Variants in NRROS observed in about 807,000 individuals in gnomAD.
The protein encoded by NRROS is negative regulator of reactive oxygen species.
In NRROS, 6 loss-of-function variants were observed where a neutral mutation model predicts 12.0. The ratio of observed to expected loss-of-function variants is 0.50; its 90% CI spans 0.27 to 0.98. The LOEUF is 0.98. Ranked by LOEUF, NRROS falls within the 50% of genes least tolerant of loss-of-function variation. The probability of loss-of-function intolerance (pLI) is 0.11; values close to 1 mark genes in which losing one functional copy is unlikely to be tolerated. For synonymous variants in NRROS, 462 were observed against 410.2 expected (o/e 1.13, Z -1.53); for missense variants, 857 against 888.2 (o/e 0.96, Z 0.45).
intron 2 of NRROS, among the ~76,000 whole-genome samples, 159 bp from the exon 3 acceptor site, chr3:196,659,593 A>G (rs1293013879): frequency 6.6e-6 from 1 of 151,906 alleles, no homozygotes; most frequent in Admixed American, 6.6e-5. Context: ...ACAGGCATGA[A>G]CCACCGTGCC....
chr3:196,660,642 G>A lies in NRROS; in HGVS notation c.999G>A (p.Leu333=). 1 of 1,614,172 alleles carries A rather than the reference G, an allele frequency of 6.2e-7. No homozygotes were observed. The highest frequency in any genetic ancestry group is 8.5e-7 in the Non-Finnish European group (1 of 1,180,010). The change falls in exon 3 of 3, where the codon CTG becomes CTA. Residue 333 remains leucine, a synonymous_variant. Coordinates refer to ENST00000328557, the MANE Select transcript of NRROS (RefSeq NM_198565.3). The surrounding 1 kb of genome is among the most constrained non-coding windows in gnomAD (Gnocchi z 7.7). The part of the protein sequence containing the change: ...SSSDLADLRF[L]DMSQNQFQYL... ...GCGACCTCGCAGATCTCCGCTTCCT[G>A]GACATGAGCCAGAACCAGTTCCAGT...
At position 196,661,204 on chromosome 3, in the gene NRROS, A is replaced by T. The variant is rs749892199; in HGVS notation, c.1561A>T (p.Met521Leu). The T allele has an allele frequency of 9.9e-6, 16 of 1,613,678 alleles. No homozygotes were observed. Among genetic ancestry groups the T allele is most frequent in the Non-Finnish European group, 1.4e-5 (16 of 1,179,890 alleles). The stretch of plus-strand genomic sequence containing the variant: ...GTTACAGGTCCTGTCTCTCAGGAAC[A>T]TGGGCCTCCACTCCAGCTTTATGGC... ...PMLQVLSLRN[M>L]GLHSSFMALD... The change falls in exon 3 of 3, where the codon ATG becomes TTG. Residue 521 changes from methionine to leucine, a missense_variant. Coordinates refer to ENST00000328557, the MANE Select transcript of NRROS (RefSeq NM_198565.3).
intron 1 of NRROS, among the ~76,000 whole-genome samples, chr3:196,646,412 G>A (rs367944783): frequency 2.0e-5 from 3 of 152,236 alleles, no homozygotes; most frequent in Non-Finnish European, 2.9e-5. Flanking sequence ...AGGTGACACC[G>A]AGGACCTACC....
At position 196,659,822 on chromosome 3, in the gene NRROS, G is replaced by T. The variant is rs140967612; in HGVS notation, c.179G>T (p.Arg60Leu). ...SVPSSLPPHA[R>L]MLTLDANPLK... is the part of the protein sequence containing the mutation. Reference sequence around the variant, plus strand: ...CCCAGCAGCCTCCCGCCCCACGCCCGGATGCTCACCCTGGATGCCAACCCT... The same window carrying T: ...CCCAGCAGCCTCCCGCCCCACGCCCTGATGCTCACCCTGGATGCCAACCCT... Residue 60 changes from arginine to leucine, a missense_variant, in exon 3 of 3, where the codon CGG becomes CTG. Coordinates refer to ENST00000328557, the MANE Select transcript of NRROS (RefSeq NM_198565.3). 1.2e-6 allele frequency: 2 copies of T among 1,613,826 alleles called. No individual in the cohort carries two copies. The highest frequency in any genetic ancestry group is 1.3e-5 in the African/African-American group (1 of 74,896).
In NRROS at chr3:196,660,916, G is replaced by A; in HGVS notation, c.1273G>A (p.Ala425Thr). ...LGVPPGLFAN[A>T]RNITTLDMSH... ...CGTCCCCCCTGGCCTCTTCGCCAATGCTAGGAACATCACTACACTTGACAT... is the reference window on the plus strand; with the variant it reads ...CGTCCCCCCTGGCCTCTTCGCCAATACTAGGAACATCACTACACTTGACAT... Residue 425 changes from alanine (A) to threonine (T), a missense_variant, in exon 3 of 3, where the codon GCT becomes ACT. Coordinates refer to ENST00000328557, the MANE Select transcript of NRROS (RefSeq NM_198565.3). The surrounding 1 kb of genome is among the most constrained non-coding windows in gnomAD (Gnocchi z 7.7). The A allele has an allele frequency of 6.2e-7, 1 of 1,614,176 alleles. No homozygotes were observed. Among genetic ancestry groups the A allele is most frequent in the African/African-American group, 1.3e-5 (1 of 75,060 alleles).
chr3:196,661,603 G>A lies in NRROS; in HGVS notation c.1960G>A (p.Val654Met), dbSNP rs142890318. Reference protein sequence around the residue: ...ERLDLGLLYLVLILPSCLTLL... With the variant: ...ERLDLGLLYLMLILPSCLTLL... Reference sequence around the variant, plus strand: ...GCTGGACCTGGGCCTGCTCTACCTCGTGCTCATCCTCCCCAGCTGCCTCAC... The same window carrying A: ...GCTGGACCTGGGCCTGCTCTACCTCATGCTCATCCTCCCCAGCTGCCTCAC... The change falls in exon 3 of 3, where the codon GTG becomes ATG. Residue 654 changes from valine to methionine, a missense_variant. Coordinates refer to ENST00000328557, the MANE Select transcript of NRROS (RefSeq NM_198565.3). The A allele has an allele frequency of 1.4e-4, 229 of 1,613,564 alleles. No individual in the cohort carries two copies. In the African/African-American group the frequency reaches 1.6e-3, roughly 11 times the overall value.
chr3:196,650,742 C>T (rs1041874966), intron 1 of NRROS, among the ~76,000 whole-genome samples: 16 of 152,314 alleles, frequency 1.1e-4, no homozygotes, highest in Middle Eastern at 3.4e-3. Context: ...GGTCTGGAGG[C>T]AGAAAACCAC....
chr3:196,643,077 A>C (rs1404987770), intron 1 of NRROS, among the ~76,000 whole-genome samples: 1 of 55,854 alleles, frequency 1.8e-5, no homozygotes, highest in Admixed American at 1.4e-4. Flanking sequence ...CTGTCTCAAA[A>C]AAAAAAAAAA....
At chr3:196,647,029 A>T (rs1031585098) in intron 1 of NRROS, among the ~76,000 whole-genome samples, 2 of 152,172 alleles carry the variant, frequency 1.3e-5, no homozygotes, top group African/African-American at 4.8e-5. Flanking sequence ...CTACCAAAGC[A>T]TTTTTTTATC....
chr3:196,642,563 C>T (rs1737229216), intron 1 of NRROS, among the ~76,000 whole-genome samples: 1 of 152,056 alleles, frequency 6.6e-6, no homozygotes, highest in South Asian at 2.1e-4. Context: ...AGCAACTGCC[C>T]GTGGATTGAT....
chr3:196,646,460 TC>T (rs71621284), intron 1 of NRROS, among the ~76,000 whole-genome samples: 2 of 152,166 alleles, frequency 1.3e-5, no homozygotes, highest in Non-Finnish European at 2.9e-5. Flanking sequence ...AGGTGTCACC[TC>T]CCAGTGGGAG....
rs1737495450 is a variant in NRROS, at chr3:196,654,555, C to G, written c.16C>G (p.Leu6Val). 1 of 1,613,748 alleles carries G rather than the reference C, an allele frequency of 6.2e-7. No homozygotes were observed. Among genetic ancestry groups the G allele is most frequent in the Non-Finnish European group, 8.5e-7 (1 of 1,179,738 alleles). The change falls in exon 2 of 3, where the codon CTT (leucine) becomes GTT (valine). Residue 6 changes from leucine to valine, a missense_variant. Coordinates refer to ENST00000328557, the MANE Select transcript of NRROS (RefSeq NM_198565.3). This position sits in a 1 kb window ranked among gnomAD's most constrained non-coding sequence, Gnocchi z 4.4. ...TGCCCTTGAGATGGAGTTGCTGCCT[C>G]TTTGGCTCTGCCTGGGTTTTCACTT... MELLP[L>V]WLCLGFHFLT...
intron 1 of NRROS, among the ~76,000 whole-genome samples, chr3:196,647,339 A>G (rs1737331974): frequency 6.6e-6 from 1 of 152,098 alleles, no homozygotes; most frequent in East Asian, 1.9e-4. Flanking sequence ...TTAGGGGGGG[A>G]GAAGTCAAAA....
intron 1 of NRROS, among the ~76,000 whole-genome samples, chr3:196,643,162 G>A (rs1017976858): frequency 2.8e-4 from 42 of 152,290 alleles, no homozygotes; most frequent in Middle Eastern, 3.4e-3. Context: ...GAAAGAAAGG[G>A]GGTGATTTTC....
intron 2 of NRROS, among the ~76,000 whole-genome samples, chr3:196,655,715 G>A (rs899872670): frequency 2.0e-5 from 3 of 152,168 alleles, no homozygotes; most frequent in Non-Finnish European, 4.4e-5. Context: ...CTGCAGAGCG[G>A]CAGCCCGGAC....
In NRROS at chr3:196,660,768, C is replaced by T. The variant is rs370487697; in HGVS notation, c.1125C>T (p.Pro375=). Residue 375 remains proline, a synonymous_variant, in exon 3 of 3, where the codon CCC becomes CCT. Transcript: ENST00000328557. This position sits in a 1 kb window ranked among gnomAD's most constrained non-coding sequence, Gnocchi z 7.7. ...MTLHIREHEP[P]GALTELDLSH... ...TTCACATTCGGGAGCACGAGCCCCC[C>T]GGAGCGCTCACCGAGCTGGACCTGA... is the stretch of plus-strand genomic sequence containing the variant. 8 of 1,613,760 alleles carry T rather than the reference C, an allele frequency of 5.0e-6. No individual in the cohort carries two copies. The highest frequency in any genetic ancestry group is 4.5e-5 in the East Asian group (2 of 44,892).
In NRROS at chr3:196,661,098, C is replaced by T. The variant is rs756748818; in HGVS notation, c.1455C>T (p.Thr485=). The T allele has an allele frequency of 6.2e-7, 1 of 1,614,028 alleles. No individual in the cohort carries two copies. The highest frequency in any genetic ancestry group is 1.3e-5 in the African/African-American group (1 of 74,936). The stretch of plus-strand genomic sequence containing the variant: ...TGCCAGACTGCCCATTCCAAGGGAC[C>T]TCCCTGACCTACTTAGACCTCTCAA... ...GALPDCPFQG[T]SLTYLDLSSN... is the part of the protein sequence containing the mutation. Residue 485 remains threonine, a synonymous_variant, in exon 3 of 3, where the codon ACC becomes ACT. Coordinates refer to ENST00000328557, the MANE Select transcript of NRROS (RefSeq NM_198565.3).
chr3:196,651,073 G>T (rs529471147), intron 1 of NRROS, among the ~76,000 whole-genome samples: 1 of 152,334 alleles, frequency 6.6e-6, no homozygotes, highest in Middle Eastern at 3.4e-3. Context: ...TCCTGTGCAT[G>T]CAGGGGATGA....
At chr3:196,652,353 C>T (rs1737444874) in intron 1 of NRROS, among the ~76,000 whole-genome samples, 1 of 152,172 alleles carries the variant, frequency 6.6e-6, no homozygotes, top group Admixed American at 6.5e-5. Context: ...TTACTTGCTA[C>T]CTTTACAGCC....
Sources: gnomAD v4.1 joint callset for allele counts (sites outside exome capture counted in the v4.1 genomes callset) on GRCh38, gnomAD v4.1.1 for gene constraint, Gnocchi (gnomAD v3.1) non-coding constraint, MANE v1.5 for transcripts, NCBI Gene and HGNC (gene_info 2026-07-23, HGNC 2026-07-21) for gene names.